The following PHACTR1 variants were observed in gnomAD, a reference collection of about 807,000 sequenced individuals.
PHACTR1 encodes the protein phosphatase and actin regulator 1.
In PHACTR1, 16 loss-of-function variants were observed where a neutral mutation model predicts 69.2. The ratio of observed to expected loss-of-function variants is 0.23; its 90% CI spans 0.16 to 0.35. PHACTR1 has a LOEUF of 0.35. PHACTR1 is among the 10% of genes least tolerant of loss of function. PHACTR1 has a pLI of 1.00. For missense variants in PHACTR1, 510 were observed against 734.7 expected, an observed-to-expected ratio of 0.69 and a Z score of 3.54; for synonymous variants, 312 against 284.5, an observed-to-expected ratio of 1.10 and a Z score of -0.97.
At chr6:13,145,650 C>T (rs1465702716) in intron 5 of PHACTR1, among the ~76,000 whole-genome samples, 1 of 152,124 alleles carries the variant, frequency 6.6e-6, no homozygotes, top group Non-Finnish European at 1.5e-5. Flanking sequence ...AATTAACGTC[C>T]TTGCAAGAAG....
chr6:13,254,870 T>C (rs983289172), intron 10 of PHACTR1, among the ~76,000 whole-genome samples: 13 of 152,156 alleles, frequency 8.5e-5, no homozygotes, highest in African/African-American at 3.1e-4. Context: ...TATAAAGACA[T>C]TATAGATAGG....
intron 5 of PHACTR1, among the ~76,000 whole-genome samples, chr6:13,067,596 C>G (rs1365619358): frequency 6.6e-6 from 1 of 152,138 alleles, no homozygotes; most frequent in Non-Finnish European, 1.5e-5. Flanking sequence ...GTATCTAGTT[C>G]AATGCCATGT....
At chr6:13,235,486 C>T (rs1771850621) in intron 10 of PHACTR1, among the ~76,000 whole-genome samples, 1 of 152,204 alleles carries the variant, frequency 6.6e-6, no homozygotes, top group African/African-American at 2.4e-5. Context: ...GGTGCCCTGT[C>T]AGGGCGACCT....
At chr6:13,110,600 T>A (rs529241535) in intron 5 of PHACTR1, among the ~76,000 whole-genome samples, 1 of 152,322 alleles carries the variant, frequency 6.6e-6, no homozygotes, top group Non-Finnish European at 1.5e-5. Context: ...CCTGGTATCC[T>A]TGTGAACTAC....
intron 5 of PHACTR1, among the ~76,000 whole-genome samples, chr6:13,157,673 C>T (rs1411971191): frequency 6.6e-6 from 1 of 152,206 alleles, no homozygotes; most frequent in Non-Finnish European, 1.5e-5. Flanking sequence ...CTGTGGTTTA[C>T]AACACCTAGG....
At chr6:13,065,315 G>T (rs1208909797) in intron 5 of PHACTR1, among the ~76,000 whole-genome samples, 1 of 152,066 alleles carries the variant, frequency 6.6e-6, no homozygotes, top group Non-Finnish European at 1.5e-5. Flanking sequence ...CTGAACAGAG[G>T]CAGCAGAGCC....
intron 7 of PHACTR1, among the ~76,000 whole-genome samples, chr6:13,190,887 G>C (rs1157388607): frequency 6.6e-6 from 1 of 152,026 alleles, no homozygotes; most frequent in Admixed American, 6.6e-5. Context: ...CTGACAAATG[G>C]TGTCCATGAC....
chr6:12,798,781 T>A (rs888482920), intron 4 of PHACTR1, among the ~76,000 whole-genome samples: 1 of 152,244 alleles, frequency 6.6e-6, no homozygotes, highest in Non-Finnish European at 1.5e-5. Flanking sequence ...TTTTGATGCA[T>A]AATCAAGATG....
intron 4 of PHACTR1, among the ~76,000 whole-genome samples, chr6:13,020,840 C>CT (rs1311751502): frequency 6.6e-6 from 1 of 152,144 alleles, no homozygotes. Context: ...ATTACAGTGG[C>CT]TGTAAGGACA....
chr6:12,984,688 G>A (rs536041706), intron 4 of PHACTR1, among the ~76,000 whole-genome samples: 1 of 152,260 alleles, frequency 6.6e-6, no homozygotes, highest in African/African-American at 2.4e-5. Flanking sequence ...TAGGATATTA[G>A]CTAAAACTAG....
chr6:13,138,783 G>A (rs1821948135), intron 5 of PHACTR1, among the ~76,000 whole-genome samples: 1 of 152,162 alleles, frequency 6.6e-6, no homozygotes. Flanking sequence ...TGACCTTGGA[G>A]CCTTCGATTG....
At chr6:13,030,119 T>C (rs1231704624) in intron 4 of PHACTR1, among the ~76,000 whole-genome samples, 1 of 152,236 alleles carries the variant, frequency 6.6e-6, no homozygotes, top group African/African-American at 2.4e-5. Context: ...ATTGTTATTG[T>C]GGTTACAAGT....
intron 4 of PHACTR1, among the ~76,000 whole-genome samples, chr6:12,936,729 A>G (rs978034036): frequency 6.6e-6 from 1 of 152,262 alleles, no homozygotes; most frequent in African/African-American, 2.4e-5. Flanking sequence ...GGAGACTGCA[A>G]GCAGGTCAAG....
At chr6:12,749,433 T>G in intron 3 of PHACTR1, 12 of 583,516 alleles carry the variant, frequency 2.1e-5, no homozygotes, top group Middle Eastern at 2.7e-4. Context: ...CGGATTTTCT[T>G]TCTCTCCCTT....
At chr6:12,725,145 C>T (rs1319409723) in intron 3 of PHACTR1, among the ~76,000 whole-genome samples, 3 of 152,120 alleles carry the variant, frequency 2.0e-5, no homozygotes, top group South Asian at 4.1e-4. Context: ...ATCCAAACCC[C>T]GTCTCTCCCC....
At chr6:12,970,231 TA>T (rs888718184) in intron 4 of PHACTR1, among the ~76,000 whole-genome samples, 15 of 152,188 alleles carry the variant, frequency 9.9e-5, no homozygotes, top group Non-Finnish European at 1.8e-4. Context: ...CAGTTTAGCT[TA>T]ATTGAGACTA....
rs115869543 is a variant in PHACTR1 at position 13,231,528 on chromosome 6, C to G, written c.1391+1335C>G. 1.8e-3 allele frequency among the ~76,000 whole-genome samples: 272 copies of G among 152,242 alleles called. 1 individual carries two copies. The highest frequency in any genetic ancestry group is 6.1e-3 in the African/African-American group (255 of 41,548). ...TCCATCATGTAATAGAATTGAGGAC[C>G]TATGGAGAGATAAGGTGTGGTTTGA... is the stretch of plus-strand genomic sequence containing the variant. On this transcript the variant is annotated intron_variant, in intron 10 of 14. Coordinates refer to ENST00000332995, the MANE Select transcript of PHACTR1 (RefSeq NM_030948.6).
intron 10 of PHACTR1, among the ~76,000 whole-genome samples, chr6:13,248,159 CCT>C (rs1773853283): frequency 6.6e-6 from 1 of 152,166 alleles, no homozygotes; most frequent in South Asian, 2.1e-4. Context: ...GTCAAGTTTC[CCT>C]CTCTCTTCAC....
intron 10 of PHACTR1, among the ~76,000 whole-genome samples, chr6:13,257,777 T>C (rs942830625): frequency 6.6e-5 from 10 of 152,124 alleles, no homozygotes; most frequent in African/African-American, 2.4e-4. Context: ...CACCCACCTA[T>C]TGAAGCAGCC....
Sources: gnomAD v4.1 joint callset for allele counts (sites outside exome capture counted in the v4.1 genomes callset) on GRCh38, gnomAD v4.1.1 for gene constraint, MANE v1.5 for transcripts, NCBI Gene and HGNC (gene_info 2026-07-23, HGNC 2026-07-21) for gene names.